Variants in VTI1A observed in about 807,000 individuals in gnomAD.
The protein encoded by VTI1A is vesicle transport through interaction with t-SNAREs homolog 1A.
VTI1A carries 22 observed loss-of-function variants against 34.9 expected under a neutral mutation model. That is an observed-to-expected ratio of 0.63 (90% confidence interval 0.45 to 0.90). The LOEUF is 0.90. VTI1A is among the 40% of genes least tolerant of loss of function. The probability of loss-of-function intolerance (pLI) is 0.00; values close to 1 mark genes in which losing one functional copy is unlikely to be tolerated. For synonymous variants in VTI1A, 87 were observed against 97.3 expected, an observed-to-expected ratio of 0.89 and a Z score of 0.62; for missense variants, 268 against 275.6, an observed-to-expected ratio of 0.97 and a Z score of 0.20.
chr10:112,739,310 CA>C (rs1850608340), intron 7 of VTI1A, among the ~76,000 whole-genome samples: 2 of 152,182 alleles, frequency 1.3e-5, no homozygotes, highest in Admixed American at 1.3e-4. Flanking sequence ...ATGAGAAAAA[CA>C]ATTGCCCACA....
intron 7 of VTI1A, among the ~76,000 whole-genome samples, chr10:112,732,285 A>T (rs1370184120): frequency 1.3e-5 from 2 of 152,142 alleles, no homozygotes; most frequent in African/African-American, 4.8e-5. Context: ...TTCCAGCCTT[A>T]GGATTTATGC....
At chr10:112,503,054 TTATA>T (rs1849297262) in intron 3 of VTI1A, among the ~76,000 whole-genome samples, 1 of 152,196 alleles carries the variant, frequency 6.6e-6, no homozygotes, top group African/African-American at 2.4e-5. Flanking sequence ...TTTTATATAT[TTATA>T]TAATCAAATC....
intron 5 of VTI1A, among the ~76,000 whole-genome samples, chr10:112,648,624 C>T (rs1295038063): frequency 1.3e-5 from 2 of 152,190 alleles, no homozygotes; most frequent in Non-Finnish European, 2.9e-5. Flanking sequence ...CTGCCTTATT[C>T]TGTCTTACTC....
At chr10:112,766,181 A>C (rs1451242454) in intron 7 of VTI1A, among the ~76,000 whole-genome samples, 1 of 152,232 alleles carries the variant, frequency 6.6e-6, no homozygotes, top group Admixed American at 6.5e-5. Context: ...AAGGTTAAGC[A>C]TAAAAGGAGA....
chr10:112,697,195 CTT>C (rs757143967), intron 7 of VTI1A, among the ~76,000 whole-genome samples: 13 of 140,038 alleles, frequency 9.3e-5, no homozygotes, highest in Admixed American at 2.1e-4. Context: ...TTCTTCTGTT[CTT>C]TTTTTTTTTT....
chr10:112,582,454 G>A (rs1036742724), intron 5 of VTI1A, among the ~76,000 whole-genome samples: 11 of 152,114 alleles, frequency 7.2e-5, no homozygotes, highest in African/African-American at 2.4e-4. Context: ...CCCCAAGGTC[G>A]CTGTTAAGTA....
intron 3 of VTI1A, among the ~76,000 whole-genome samples, chr10:112,472,742 C>T (rs1157016579): frequency 2.0e-5 from 3 of 152,066 alleles, no homozygotes; most frequent in African/African-American, 7.2e-5. Flanking sequence ...TTTGGATAGT[C>T]TCAGTGGTAA....
intron 5 of VTI1A, among the ~76,000 whole-genome samples, chr10:112,566,804 C>T (rs117625610): frequency 1.3e-5 from 2 of 152,004 alleles, no homozygotes; most frequent in Admixed American, 1.3e-4. Context: ...TTCCATCACT[C>T]TATATGTGAA....
intron 7 of VTI1A, among the ~76,000 whole-genome samples, chr10:112,669,575 G>T (rs964177414): frequency 2.0e-5 from 3 of 152,086 alleles, no homozygotes; most frequent in Non-Finnish European, 1.5e-5. Flanking sequence ...AATAGTATGA[G>T]AAAATAGATG....
intron 5 of VTI1A, among the ~76,000 whole-genome samples, chr10:112,577,006 T>C (rs962853284): frequency 3.9e-5 from 6 of 152,240 alleles, no homozygotes; most frequent in Non-Finnish European, 7.3e-5. Context: ...ATAATCCGTC[T>C]ATAAGGTCAC....
Position 112,817,248 on chromosome 10 carries a change from CCAG to C in VTI1A, c.*1866_*1868del, listed in dbSNP as rs1216518883. The C allele has an allele frequency of 4.3e-6, 1 of 232,194 alleles. No individual in the cohort carries two copies. Among genetic ancestry groups the C allele is most frequent in the African/African-American group, 2.2e-5 (1 of 45,280 alleles). 14.4% of individuals were successfully genotyped at this position (232,194 alleles called of 1,614,324 possible). ...TGTTGATCTTAGCTAAAGTGTATAACCAGTTACCAGCTGCACTTCGCACGGCCA... is the reference window on the plus strand; with the variant it reads ...TGTTGATCTTAGCTAAAGTGTATAACTTACCAGCTGCACTTCGCACGGCCA... On this transcript the variant is annotated 3_prime_UTR_variant, in exon 8 of 8. Transcript: ENST00000393077.
At chr10:112,533,939 C>G (rs1017033394) in intron 4 of VTI1A, among the ~76,000 whole-genome samples, 1 of 151,758 alleles carries the variant, frequency 6.6e-6, no homozygotes, top group Non-Finnish European at 1.5e-5. Context: ...TTCTGATTTA[C>G]TTTACTGTAA....
At chr10:112,601,620 C>T (rs1358281677) in intron 5 of VTI1A, among the ~76,000 whole-genome samples, 1 of 152,086 alleles carries the variant, frequency 6.6e-6, no homozygotes, top group Non-Finnish European at 1.5e-5. Context: ...CTTTCATAAG[C>T]ATGACTGGCC....
At chr10:112,806,216 G>C (rs1338200016) in intron 7 of VTI1A, among the ~76,000 whole-genome samples, 1 of 152,156 alleles carries the variant, frequency 6.6e-6, no homozygotes, top group Non-Finnish European at 1.5e-5. Flanking sequence ...TTAGCCAGTG[G>C]GGGCTACTAA....
intron 7 of VTI1A, among the ~76,000 whole-genome samples, chr10:112,694,311 T>C (rs1328057960): frequency 6.6e-6 from 1 of 152,072 alleles, no homozygotes; most frequent in Non-Finnish European, 1.5e-5. Flanking sequence ...TGAAGCTTAT[T>C]TTGCTAGTAC....
intron 7 of VTI1A, among the ~76,000 whole-genome samples, chr10:112,687,948 C>CTTTT (rs11442025): frequency 2.6e-5 from 3 of 115,568 alleles, no homozygotes; most frequent in African/African-American, 6.8e-5. Flanking sequence ...GTGACCAAGT[C>CTTTT]TTTTTTTTTT....
the VTI1A span, among the ~76,000 whole-genome samples, chr10:112,838,850 C>T: frequency 2.0e-5 from 3 of 152,240 alleles, no homozygotes; most frequent in East Asian, 1.9e-4. Context: ...AGTTCCTTAA[C>T]CTCCCTGAGC....
rs138197510 is a variant in VTI1A, at chr10:112,458,272, T to C, written c.95-2252T>C. Among the ~76,000 whole-genome samples the C allele has an allele frequency of 2.0e-3, 301 of 152,318 alleles. 6 individuals carry two copies. In the East Asian group the frequency reaches 0.046, roughly 23 times the overall value. ...TTCCTCCTGATACGTAAATACACCA[T>C]CTCAGTTTTGATCCAAGATAAGCCT... On this transcript the variant is annotated intron_variant, in intron 1 of 7. Coordinates refer to ENST00000393077, the MANE Select transcript of VTI1A (RefSeq NM_145206.4).
intron 5 of VTI1A, among the ~76,000 whole-genome samples, chr10:112,569,037 C>G (rs1266021187): frequency 6.6e-6 from 1 of 151,996 alleles, no homozygotes; most frequent in African/African-American, 2.4e-5. Flanking sequence ...CACCTATGGT[C>G]CCAGCTACTT....
Sources: gnomAD v4.1 joint callset for allele counts (sites outside exome capture counted in the v4.1 genomes callset) on GRCh38, gnomAD v4.1.1 for gene constraint, MANE v1.5 for transcripts, NCBI Gene and HGNC (gene_info 2026-07-23, HGNC 2026-07-21) for gene names.